VRK2: variants seen among roughly 807,000 people sequenced by gnomAD.
VRK2 encodes the protein serine/threonine-protein kinase VRK2.
In VRK2, 60 loss-of-function variants were observed where a neutral mutation model predicts 57.6. That is an observed-to-expected ratio of 1.04 (90% CI 0.85 to 1.29). The LOEUF (loss-of-function observed/expected upper bound fraction) is 1.29, where lower values mean the gene tolerates loss of function less well. VRK2 is among the 50% of genes most tolerant of loss of function. The probability of loss-of-function intolerance (pLI) is 0.00; values close to 1 mark genes in which losing one functional copy is unlikely to be tolerated. For missense variants in VRK2, 705 were observed against 588.1 expected, an observed-to-expected ratio of 1.20 and a Z score of -2.06; for synonymous variants, 231 against 199.2, an observed-to-expected ratio of 1.16 and a Z score of -1.35.
intron 1 of VRK2, among the ~76,000 whole-genome samples, chr2:57,925,440 T>C (rs1670500441): frequency 6.6e-6 from 1 of 152,114 alleles, no homozygotes; most frequent in African/African-American, 2.4e-5. Context: ...ATTGTATGTG[T>C]CTAGGCATTT....
chr2:58,003,914 G>T (rs192894227), intron 1 of VRK2, among the ~76,000 whole-genome samples: 2 of 152,042 alleles, frequency 1.3e-5, no homozygotes, highest in African/African-American at 2.4e-5. Context: ...TGTCACTGAG[G>T]CCTTCCTATA....
Position 58,084,086 on chromosome 2 carries a change from C to T in VRK2, c.137-3C>T. On this transcript the variant is annotated splice_polypyrimidine_tract_variant and splice_region_variant and intron_variant, in intron 2 of 12. Transcript: ENST00000340157. The stretch of plus-strand genomic sequence containing the variant: ...CTCCATTGTGTGTTTTTTTTGTCTG[C>T]AGCTTTCCCCACAAATAAACCAGAG... 3 of 1,602,498 alleles carry T rather than the reference C, an allele frequency of 1.9e-6. No homozygotes were observed. The highest frequency in any genetic ancestry group is 2.6e-6 in the Non-Finnish European group (3 of 1,173,416).
chr2:58,029,549 G>A (rs550787454), intron 2 of VRK2, among the ~76,000 whole-genome samples: 3 of 152,270 alleles, frequency 2.0e-5, no homozygotes, highest in Non-Finnish European at 4.4e-5. Flanking sequence ...GAAGATAGCA[G>A]TATGACTAGC....
At chr2:58,020,380 A>T (rs1156567337) in intron 1 of VRK2, among the ~76,000 whole-genome samples, 1 of 151,998 alleles carries the variant, frequency 6.6e-6, no homozygotes, top group Non-Finnish European at 1.5e-5. Flanking sequence ...TAATTTTTTA[A>T]TATTTTTAGA....
At chr2:58,087,344 C>CTGATTGAATCA (rs1671773121) in intron 5 of VRK2, among the ~76,000 whole-genome samples, 1 of 152,102 alleles carries the variant, frequency 6.6e-6, no homozygotes, top group South Asian at 2.1e-4. Flanking sequence ...GACTGAATGG[C>CTGATTGAATCA]TGATTGAATC....
chr2:58,040,857 TCA>T (rs1674427388), intron 3 of VRK2, among the ~76,000 whole-genome samples: 1 of 152,204 alleles, frequency 6.6e-6, no homozygotes, highest in African/African-American at 2.4e-5. Context: ...GAAGGTTCGT[TCA>T]AGACCCTTAG....
chr2:58,013,572 G>C (rs1336944486), intron 1 of VRK2, among the ~76,000 whole-genome samples: 1 of 152,124 alleles, frequency 6.6e-6, no homozygotes, highest in Admixed American at 6.5e-5. Flanking sequence ...TATGATTCTT[G>C]CCTTAAAAAA....
At chr2:58,042,260 T>C (rs899446524), upstream of VRK2, among the ~76,000 whole-genome samples, 2 of 152,224 alleles carry the variant, frequency 1.3e-5, no homozygotes, top group South Asian at 2.1e-4. Context: ...AATGATCTTA[T>C]ATGTAAAGAA....
intron 1 of VRK2, among the ~76,000 whole-genome samples, chr2:57,985,494 G>T (rs1016709380): frequency 6.6e-6 from 1 of 151,618 alleles, no homozygotes; most frequent in Non-Finnish European, 1.5e-5. Flanking sequence ...ACATTTTTTG[G>T]TTTCCTTATC....
intron 10 of VRK2, among the ~76,000 whole-genome samples, chr2:58,137,139 TC>T (rs1680359515): frequency 2.5e-5 from 1 of 39,988 alleles, no homozygotes; most frequent in African/African-American, 5.6e-5. Context: ...ATATCATATA[TC>T]ATATATATCA....
intron 3 of VRK2, among the ~76,000 whole-genome samples, chr2:58,039,904 T>TTTTTTA (rs958513094): frequency 2.6e-5 from 4 of 151,516 alleles, no homozygotes; most frequent in Admixed American, 6.6e-5. Flanking sequence ...TTTTTATTTA[T>TTTTTTA]TTTTTATTTT....
intron 1 of VRK2, among the ~76,000 whole-genome samples, chr2:57,990,882 C>CAT (rs1053649939): frequency 7.5e-6 from 1 of 134,048 alleles, no homozygotes; most frequent in Non-Finnish European, 1.6e-5. Flanking sequence ...CACACACACA[C>CAT]ACATGCACAC....
At chr2:58,099,839 G>A (rs1673703466) in intron 7 of VRK2, among the ~76,000 whole-genome samples, 1 of 151,970 alleles carries the variant, frequency 6.6e-6, no homozygotes, top group African/African-American at 2.4e-5. Context: ...TATAGGTTTT[G>A]GCTTTCTAGT....
intron 2 of VRK2, among the ~76,000 whole-genome samples, chr2:58,066,272 C>T (rs896517065): frequency 2.6e-5 from 4 of 152,118 alleles, no homozygotes; most frequent in African/African-American, 9.7e-5. Flanking sequence ...GTTAAGCATA[C>T]TGAGTTTTGA....
intron 1 of VRK2, among the ~76,000 whole-genome samples, chr2:57,913,101 C>G (rs1019483741): frequency 6.6e-6 from 1 of 152,132 alleles, no homozygotes; most frequent in Non-Finnish European, 1.5e-5. Flanking sequence ...TTAAACCATA[C>G]GGTCTATGAT....
chr2:57,924,115 G>A (rs79117278), intron 1 of VRK2, among the ~76,000 whole-genome samples: 3,909 of 151,916 alleles, frequency 0.026, 185 homozygotes, highest in African/African-American at 0.09. Flanking sequence ...ATGCCATTTC[G>A]GTTACTACAC....
chr2:58,155,487 G>A (rs1378266167), intron 12 of VRK2, among the ~76,000 whole-genome samples: 3 of 148,112 alleles, frequency 2.0e-5, no homozygotes, highest in Non-Finnish European at 4.4e-5. Context: ...TACAGTTTTG[G>A]TAGTCTCCTG....
upstream of VRK2, chr2:58,046,757 C>A (rs190868036): frequency 7.1e-6 from 7 of 985,386 alleles, no homozygotes; most frequent in African/African-American, 1.7e-5. Flanking sequence ...AGGGCAGGCT[C>A]GAGTGCTGGG....
At chr2:58,116,207 G>A (rs1028621690) in intron 7 of VRK2, among the ~76,000 whole-genome samples, 4 of 152,014 alleles carry the variant, frequency 2.6e-5, no homozygotes, top group Middle Eastern at 3.2e-3. Flanking sequence ...TTAATGAGAT[G>A]GTAAGGGGTG....
Sources: allele counts gnomAD v4.1 joint callset (sites outside exome capture counted in the v4.1 genomes callset), GRCh38; gene constraint gnomAD v4.1.1; transcripts MANE v1.5; gene names NCBI Gene and HGNC (gene_info 2026-07-23, HGNC 2026-07-21).